Variants in TBX15 observed in about 807,000 individuals in gnomAD.
TBX15 encodes T-box transcription factor 15.
Under a neutral mutation model 53.9 loss-of-function variants are expected in TBX15, and 18 were observed. That is an observed-to-expected ratio of 0.33 (90% CI 0.23 to 0.49). TBX15 has a LOEUF of 0.49. TBX15 is among the 20% of genes least tolerant of loss of function. The probability of loss-of-function intolerance (pLI) is 0.98; values close to 1 mark genes in which losing one functional copy is unlikely to be tolerated. For synonymous variants in TBX15, 295 were observed against 278.0 expected (o/e 1.06, Z -0.61); for missense variants, 692 against 749.5 (o/e 0.92, Z 0.90).
intron 5 of TBX15, among the ~76,000 whole-genome samples, chr1:118,916,049 C>T (rs909858743): frequency 6.6e-5 from 10 of 152,182 alleles, no homozygotes; most frequent in Non-Finnish European, 1.5e-4. Context: ...GGTTGTGCCA[C>T]TTATCATTTA....
In TBX15 at chr1:118,931,720, G is replaced by A. The variant is rs1655787008; in HGVS notation, c.318C>T (p.Ala106=). The change falls in exon 2 of 8, where the codon GCC becomes GCT. Residue 106 remains alanine (A), a synonymous_variant. Transcript: ENST00000369429. ...CCTGAATCTCCTCCATGGAAGACATGGCAGCAGGCACAGGGCCTGCAGCAC... is the reference window on the plus strand; with the variant it reads ...CCTGAATCTCCTCCATGGAAGACATAGCAGCAGGCACAGGGCCTGCAGCAC... The part of the protein sequence containing the change: ...ASGAAGPVPA[A]MSSMEEIQVE... 1 of 1,614,016 alleles carries A rather than the reference G, an allele frequency of 6.2e-7. No individual in the cohort carries two copies. The highest frequency in any genetic ancestry group is 1.1e-5 in the South Asian group (1 of 91,060).
In TBX15 at chr1:118,898,965, G is replaced by C; in HGVS notation, c.1024+63C>G. ...GCCTGAGGCCAGATGTGCTATATTC[G>C]GTTGAGCTCCCACTCTGTCCCTGGC... is the stretch of plus-strand genomic sequence containing the variant. On this transcript the variant is annotated intron_variant, in intron 7 of 7. Transcript: ENST00000369429. 4 of 1,528,498 alleles carry C rather than the reference G, an allele frequency of 2.6e-6. No individual in the cohort carries two copies. The East Asian group carries it at 9.1e-5, about 35-fold the overall frequency. 94.7% of individuals were successfully genotyped at this position (1,528,498 alleles called of 1,614,324 possible). A position where few individuals can be genotyped will look rare whatever the true frequency, so the allele number is the denominator to read the frequency against.
At chr1:118,911,086 G>A (rs1023753259) in intron 6 of TBX15, among the ~76,000 whole-genome samples, 13 of 152,174 alleles carry the variant, frequency 8.5e-5, no homozygotes, top group African/African-American at 3.1e-4. Context: ...TAAACTGTTA[G>A]CATGATAAAG....
chr1:118,958,667 C>G (rs1330247181), intron 1 of TBX15, among the ~76,000 whole-genome samples: 1 of 152,136 alleles, frequency 6.6e-6, no homozygotes, highest in Admixed American at 6.5e-5. Flanking sequence ...CATATTCCCA[C>G]CAGCCCCACC....
intron 1 of TBX15, among the ~76,000 whole-genome samples, chr1:118,982,356 T>C (rs1004585669): frequency 1.3e-5 from 2 of 152,242 alleles, no homozygotes; most frequent in Admixed American, 6.5e-5. Flanking sequence ...TCTCATCTTA[T>C]AATTTTTTTG....
Position 118,884,665 on chromosome 1 carries a change from G to T in TBX15, c.*67C>A. 6.3e-7 allele frequency: 1 copy of T among 1,585,936 alleles called. No homozygotes were observed. The highest frequency in any genetic ancestry group is 1.1e-5 in the South Asian group (1 of 89,926). ...TTCAAAGACACTGGACTCCCAAAGA[G>T]GAGGATCTGACCACGGAGACTCTGG... is the stretch of plus-strand genomic sequence containing the variant. On this transcript the variant is annotated 3_prime_UTR_variant, in exon 8 of 8. Transcript: ENST00000369429.
intron 6 of TBX15, among the ~76,000 whole-genome samples, chr1:118,900,641 CT>C (rs1409768238): frequency 6.6e-6 from 1 of 152,124 alleles, no homozygotes; most frequent in African/African-American, 2.4e-5. Context: ...AGCTGTTAAT[CT>C]GTTAGAAGTA....
At chr1:118,987,560 CG>C (rs1657881766) in intron 1 of TBX15, 30 bp downstream of exon 1, 1 of 1,535,246 alleles carries the variant, frequency 6.5e-7, no homozygotes, top group African/African-American at 1.4e-5. Flanking sequence ...CCTCTCCGCC[CG>C]CCTCCCGCGG....
intron 1 of TBX15, among the ~76,000 whole-genome samples, chr1:118,945,618 G>C (rs1656324303): frequency 6.6e-6 from 1 of 152,204 alleles, no homozygotes; most frequent in Non-Finnish European, 1.5e-5. Context: ...TCCTGGGCAA[G>C]AACCCAACAC....
chr1:118,969,610 C>T (rs1330093014), intron 1 of TBX15, among the ~76,000 whole-genome samples: 2 of 152,118 alleles, frequency 1.3e-5, no homozygotes, highest in African/African-American at 4.8e-5. Context: ...AAAGAGGATA[C>T]AGAATAAGAA....
At chr1:118,908,271 A>G (rs556546526) in intron 6 of TBX15, among the ~76,000 whole-genome samples, 52 of 152,004 alleles carry the variant, frequency 3.4e-4, no homozygotes, top group Non-Finnish European at 6.9e-4. Context: ...TCCTGGCACC[A>G]TGGAAAAAAA....
At position 118,988,100 on chromosome 1, in the gene TBX15, G is replaced by C. The variant is rs535375003; in HGVS notation, c.-305C>G. ...CCACCGGGGCAGGCGCTCACAGACT[G>C]TGTCCACTGAACTTCATCTTGTTTT... On this transcript the variant is annotated 5_prime_UTR_variant, in exon 1 of 8. Transcript: ENST00000369429. The C allele has an allele frequency of 1.4e-4, 69 of 484,692 alleles. 2 individuals carry two copies. In the South Asian group the frequency reaches 1.8e-3, roughly 13 times the overall value. 30.0% of individuals were successfully genotyped at this position (484,692 alleles called of 1,614,324 possible). A position where few individuals can be genotyped will look rare whatever the true frequency, so the allele number is the denominator to read the frequency against.
chr1:118,895,353 C>A (rs1053558619), intron 7 of TBX15, among the ~76,000 whole-genome samples: 1 of 152,104 alleles, frequency 6.6e-6, no homozygotes, highest in African/African-American at 2.4e-5. Flanking sequence ...CAGAATGATT[C>A]CTTTTAGAAC....
chr1:118,988,988 G>A (rs568776233), upstream of TBX15, among the ~76,000 whole-genome samples: 2 of 152,334 alleles, frequency 1.3e-5, no homozygotes, highest in African/African-American at 4.8e-5. Context: ...GAGAGCAAGG[G>A]GCGGGCGGCG....
At position 118,914,153 on chromosome 1, in the gene TBX15, G is replaced by A. The variant is rs760957638; in HGVS notation, c.888C>T (p.Asn296=). ...QQITRLKIDR[N]PFAKGFRDSG... is the part of the protein sequence containing the mutation. ...AATCTCTGAATCCTTTAGCAAAAGG[G>A]TTTCGGTCAATTTTTAATCTGGTAA... Residue 296 remains asparagine (N), a synonymous_variant, in exon 6 of 8, where the codon AAC becomes AAT. Transcript: ENST00000369429. The A allele has an allele frequency of 1.5e-5, 24 of 1,613,628 alleles. No individual in the cohort carries two copies. Among genetic ancestry groups the A allele is most frequent in the Middle Eastern group, 1.6e-4 (1 of 6,074 alleles).
intron 1 of TBX15, among the ~76,000 whole-genome samples, chr1:118,945,994 T>C (rs1054728473): frequency 6.6e-6 from 1 of 152,242 alleles, no homozygotes; most frequent in South Asian, 2.1e-4. Context: ...CATTGATGTA[T>C]GAGTGAAGGC....
intron 5 of TBX15, among the ~76,000 whole-genome samples, chr1:118,918,590 A>G (rs1025494182): frequency 6.6e-6 from 1 of 152,204 alleles, no homozygotes; most frequent in Non-Finnish European, 1.5e-5. Flanking sequence ...GAAGACAGGG[A>G]AAATACAGAG....
chr1:118,916,226 A>C (rs1228294750), intron 5 of TBX15, among the ~76,000 whole-genome samples: 1 of 152,198 alleles, frequency 6.6e-6, no homozygotes, highest in Non-Finnish European at 1.5e-5. Flanking sequence ...AAAGAAGGTC[A>C]TAAAGTTCAC....
chr1:118,906,006 C>T (rs1470966276), intron 6 of TBX15, among the ~76,000 whole-genome samples: 1 of 152,124 alleles, frequency 6.6e-6, no homozygotes, highest in Non-Finnish European at 1.5e-5. Flanking sequence ...ATTCTGAAAG[C>T]TAATACCTCA....
Sources: allele counts gnomAD v4.1 joint callset (sites outside exome capture counted in the v4.1 genomes callset), GRCh38; gene constraint gnomAD v4.1.1; transcripts MANE v1.5; gene names NCBI Gene and HGNC (gene_info 2026-07-23, HGNC 2026-07-21).